The following RNGTT variants were observed in gnomAD, a reference collection of about 807,000 sequenced individuals.
The protein encoded by RNGTT is mRNA-capping enzyme.
RNGTT carries 33 observed loss-of-function variants against 79.3 expected under a neutral mutation model. The ratio of observed to expected loss-of-function variants is 0.42; its 90% confidence interval spans 0.32 to 0.56. RNGTT has a LOEUF of 0.56. RNGTT is among the 20% of genes least tolerant of loss of function. The pLI is 0.17. For missense variants in RNGTT, 497 were observed against 739.1 expected (o/e 0.67, Z 3.80); for synonymous variants, 222 against 235.9 (o/e 0.94, Z 0.54).
At chr6:88,889,735 G>A (rs1782980990) in intron 8 of RNGTT, among the ~76,000 whole-genome samples, 1 of 152,148 alleles carries the variant, frequency 6.6e-6, no homozygotes, top group Non-Finnish European at 1.5e-5. Context: ...TGCTGAGGAA[G>A]AATAAAATTT....
At chr6:88,738,251 A>C (rs1777349928) in intron 13 of RNGTT, among the ~76,000 whole-genome samples, 1 of 152,204 alleles carries the variant, frequency 6.6e-6, no homozygotes, top group African/African-American at 2.4e-5. Context: ...ACATTTGAGC[A>C]GTGCTTCTCA....
intron 1 of RNGTT, among the ~76,000 whole-genome samples, chr6:88,957,193 G>A (rs140862105): frequency 4.7e-4 from 72 of 152,226 alleles, no homozygotes; most frequent in Non-Finnish European, 9.1e-4. Flanking sequence ...CAGAAGGGAC[G>A]TACCTCAAGG....
chr6:88,931,683 A>T (rs971356709), intron 2 of RNGTT, among the ~76,000 whole-genome samples: 2 of 152,230 alleles, frequency 1.3e-5, no homozygotes, highest in African/African-American at 4.8e-5. Context: ...ATACATGGCC[A>T]TATGCATATT....
At chr6:88,818,411 C>T (rs1311526193) in intron 11 of RNGTT, among the ~76,000 whole-genome samples, 1 of 151,708 alleles carries the variant, frequency 6.6e-6, no homozygotes, top group Non-Finnish European at 1.5e-5. Context: ...GGTGAAACCC[C>T]GTCTCTACTA....
At chr6:88,647,627 A>AAGAAGTGGAG (rs1562169146) in intron 14 of RNGTT, among the ~76,000 whole-genome samples, 4 of 148,994 alleles carry the variant, frequency 2.7e-5, no homozygotes, top group African/African-American at 1.0e-4. Context: ...TAGGAGGATC[A>AAGAAGTGGAG]CTTGAGCCTG....
intron 6 of RNGTT, among the ~76,000 whole-genome samples, chr6:88,898,600 T>A (rs1783332115): frequency 6.6e-6 from 1 of 151,316 alleles, no homozygotes; most frequent in Non-Finnish European, 1.5e-5. Flanking sequence ...TCTTAGTATA[T>A]CTAGTATTAC....
chr6:88,906,509 C>T, intron 4 of RNGTT, 69 bp from the exon 5 acceptor site: 1 of 840,082 alleles, frequency 1.2e-6, no homozygotes, highest in South Asian at 2.0e-5. Flanking sequence ...TTTAAAATTC[C>T]AACCTGCAAT....
intron 8 of RNGTT, among the ~76,000 whole-genome samples, chr6:88,859,325 G>A (rs1393307767): frequency 6.6e-6 from 1 of 152,088 alleles, no homozygotes; most frequent in African/African-American, 2.4e-5. Flanking sequence ...CAAAGATACT[G>A]GAAAGCTGAG....
chr6:88,718,097 T>C (rs1384667269), intron 13 of RNGTT, among the ~76,000 whole-genome samples: 3 of 152,114 alleles, frequency 2.0e-5, no homozygotes, highest in Non-Finnish European at 4.4e-5. Flanking sequence ...ACTCGCCATT[T>C]AAGTACTGTT....
At chr6:88,700,968 G>A (rs1197145970) in intron 13 of RNGTT, among the ~76,000 whole-genome samples, 9 of 152,106 alleles carry the variant, frequency 5.9e-5, no homozygotes, top group Admixed American at 4.6e-4. Context: ...TAATTGCCTT[G>A]CATGAAATAT....
intron 14 of RNGTT, among the ~76,000 whole-genome samples, chr6:88,657,493 T>C (rs1470785324): frequency 6.6e-6 from 1 of 152,138 alleles, no homozygotes; most frequent in Non-Finnish European, 1.5e-5. Context: ...AGATGAACTC[T>C]GTAATAATTT....
intron 11 of RNGTT, among the ~76,000 whole-genome samples, chr6:88,815,609 T>C (rs949764000): frequency 6.6e-5 from 10 of 152,204 alleles, no homozygotes; most frequent in African/African-American, 2.4e-4. Flanking sequence ...GTTGATACCA[T>C]TTCAGCTGTC....
At chr6:88,679,390 CA>C (rs1182337511) in intron 13 of RNGTT, among the ~76,000 whole-genome samples, 1 of 152,088 alleles carries the variant, frequency 6.6e-6, no homozygotes, top group Non-Finnish European at 1.5e-5. Context: ...ATAAAGAGGG[CA>C]CAAGTATGGA....
intron 1 of RNGTT, among the ~76,000 whole-genome samples, chr6:88,945,116 T>C (rs900673108): frequency 6.6e-6 from 1 of 152,222 alleles, no homozygotes; most frequent in African/African-American, 2.4e-5. Context: ...CAGCTGGCCA[T>C]TCTCAAGTCA....
At chr6:88,891,760 TA>T (rs1350597725) in intron 7 of RNGTT, 45 bp downstream of exon 7, 1 of 1,291,254 alleles carries the variant, frequency 7.7e-7, no homozygotes, top group Non-Finnish European at 1.1e-6. Context: ...TTAAGTGTTG[TA>T]AAATAAGAGC....
At chr6:88,887,544 G>A (rs1782907214) in intron 8 of RNGTT, among the ~76,000 whole-genome samples, 1 of 152,012 alleles carries the variant, frequency 6.6e-6, no homozygotes, top group Non-Finnish European at 1.5e-5. Flanking sequence ...AAATACTCAG[G>A]GTTTTCCTTT....
At chr6:88,689,691 T>A (rs1321384601) in intron 13 of RNGTT, among the ~76,000 whole-genome samples, 1 of 150,998 alleles carries the variant, frequency 6.6e-6, no homozygotes, top group Non-Finnish European at 1.5e-5. Flanking sequence ...GAAAAAATAA[T>A]GAGAAAAATT....
At chr6:88,819,751 A>C (rs1035890805) in intron 11 of RNGTT, among the ~76,000 whole-genome samples, 1 of 152,028 alleles carries the variant, frequency 6.6e-6, no homozygotes, top group South Asian at 2.1e-4. Context: ...TACCTCATTA[A>C]TCTCTACCAA....
At position 88,941,057 on chromosome 6, in the gene RNGTT, ATT is replaced by A; in HGVS notation, c.174+12_174+13del. 1 of 1,501,800 alleles carries A rather than the reference ATT, an allele frequency of 6.7e-7. No homozygotes were observed. Among genetic ancestry groups the A allele is most frequent in the Non-Finnish European group, 9.2e-7 (1 of 1,082,672 alleles). 93.0% of individuals were successfully genotyped at this position (1,501,800 alleles called of 1,614,324 possible). A position where few individuals can be genotyped will look rare whatever the true frequency, so the allele number is the denominator to read the frequency against. On this transcript the variant is annotated intron_variant, in intron 2 of 15. Coordinates refer to ENST00000369485, the MANE Select transcript of RNGTT (RefSeq NM_003800.5). ...TATATTAAATCAGTGACAAAAATAA[ATT>A]TTGTTTCTTACCTTTAGGCTCTTTA...
Sources: gnomAD v4.1 joint callset for allele counts (sites outside exome capture counted in the v4.1 genomes callset) on GRCh38, gnomAD v4.1.1 for gene constraint, MANE v1.5 for transcripts, NCBI Gene and HGNC (gene_info 2026-07-23, HGNC 2026-07-21) for gene names.